Variants in SYDE2 observed in about 807,000 individuals in gnomAD.
SYDE2 encodes the protein synapse defective Rho GTPase homolog 2, also known as rho GTPase-activating protein SYDE2.
Under a neutral mutation model 91.5 loss-of-function variants are expected in SYDE2, and 76 were observed. The observed-to-expected ratio is 0.83, with a 90% CI of 0.69 to 1.01. The LOEUF (loss-of-function observed/expected upper bound fraction) is 1.01. SYDE2 is among the 50% of genes least tolerant of loss of function. The probability of loss-of-function intolerance (pLI) is 0.00; values close to 1 mark genes in which losing one functional copy is unlikely to be tolerated. For missense variants in SYDE2, 1,364 were observed against 1,367.7 expected (o/e 1.00, Z 0.04); for synonymous variants, 513 against 506.4 (o/e 1.01, Z -0.18).
At chr1:85,164,447 T>C in intron 6 of SYDE2, 79 bp downstream of exon 6, 1 of 1,047,984 alleles carries the variant, frequency 9.5e-7, no homozygotes, top group Non-Finnish European at 1.3e-6. Context: ...TCTTCAATCA[T>C]ATATGAGCAT....
In SYDE2 at chr1:85,164,611, G is replaced by A. The variant is rs77178722; in HGVS notation, c.3000C>T (p.Val1000=). 1,812 of 1,607,594 alleles carry A rather than the reference G, an allele frequency of 1.1e-3. 26 individuals carry two copies. In the East Asian group the frequency reaches 0.024, roughly 22 times the overall value. ...RQEPSTHNNR[V]FTDSEELASA... ...TTGCAAGTTCTTCTGAATCAGTAAAGACTCTGTTGTTATGGGTGGAAGGCT... is the reference window on the plus strand; with the variant it reads ...TTGCAAGTTCTTCTGAATCAGTAAAAACTCTGTTGTTATGGGTGGAAGGCT... The change falls in exon 6 of 7, where the codon GTC becomes GTT. Residue 1000 remains valine, a synonymous_variant. Transcript: ENST00000341460.
intron 2 of SYDE2, among the ~76,000 whole-genome samples, chr1:85,188,268 C>T (rs760377058): frequency 1.7e-4 from 26 of 152,142 alleles, no homozygotes; most frequent in Non-Finnish European, 3.4e-4. Flanking sequence ...AAGCAGCACA[C>T]ATTTGCTCTG....
chr1:85,196,145 T>C (rs913040682), intron 1 of SYDE2, among the ~76,000 whole-genome samples: 5 of 152,218 alleles, frequency 3.3e-5, no homozygotes, highest in Non-Finnish European at 5.9e-5. Context: ...TTAATTCATA[T>C]ACATAAAACT....
intron 1 of SYDE2, 108 bp downstream of exon 1, chr1:85,200,144 A>G: frequency 6.4e-7 from 1 of 1,565,576 alleles, no homozygotes; most frequent in South Asian, 1.2e-5. Context: ...TTCGCCCGGT[A>G]ACGTACCTGT....
rs1657947670 is a variant in SYDE2 at position 85,182,190 on chromosome 1, T to C, written c.2452A>G (p.Ile818Val). The change falls in exon 3 of 7, where the codon ATT becomes GTT. Residue 818 changes from isoleucine to valine, a missense_variant. Coordinates refer to ENST00000341460, the MANE Select transcript of SYDE2 (RefSeq NM_032184.2). The stretch of plus-strand genomic sequence containing the variant: ...TTTTCTTTCTCTACAACTTTTTGAA[T>C]ATCAACTCCAAATATTATTGGTTCT... ...NQEPIIFGVDIQKVVEKENIG... is the reference protein window; with the variant it reads ...NQEPIIFGVDVQKVVEKENIG... 1 of 1,607,784 alleles carries C rather than the reference T, an allele frequency of 6.2e-7. No individual in the cohort carries two copies. Among genetic ancestry groups the C allele is most frequent in the Non-Finnish European group, 8.5e-7 (1 of 1,176,650 alleles).
intron 3 of SYDE2, among the ~76,000 whole-genome samples, chr1:85,180,301 C>A (rs1490592944): frequency 1.3e-5 from 2 of 152,026 alleles, no homozygotes; most frequent in East Asian, 3.9e-4. Flanking sequence ...CTGTAAAATA[C>A]AAGCACAATA....
intron 6 of SYDE2, chr1:85,161,038 C>G: frequency 1.0e-6 from 1 of 982,834 alleles, no homozygotes; most frequent in Non-Finnish European, 1.2e-6. Context: ...GAGTGGTTTA[C>G]AACTAAATAT....
At chr1:85,181,812 T>C (rs911409279) in intron 3 of SYDE2, 3 of 257,546 alleles carry the variant, frequency 1.2e-5, no homozygotes, top group Non-Finnish European at 2.2e-5. Context: ...CAGCTCTGAC[T>C]TTTCCTTTTA....
rs962706152 is a variant in SYDE2, at chr1:85,200,970, G to C, written c.27C>G (p.Gly9=). The C allele has an allele frequency of 3.8e-6, 5 of 1,302,628 alleles. No individual in the cohort carries two copies. In the African/African-American group the frequency reaches 7.6e-5, roughly 20 times the overall value. 80.7% of individuals were successfully genotyped at this position (1,302,628 alleles called of 1,614,324 possible). A position where few individuals can be genotyped will look rare whatever the true frequency, so the allele number is the denominator to read the frequency against. The part of the protein sequence containing the change: MHDLPPDS[G]ARRGGRGLAD... ...CCAAGCCCCTGCCGCCCCGCCGCGCGCCCGAGTCAGGGGGCAGGTCGTGCA... is the reference window on the plus strand; with the variant it reads ...CCAAGCCCCTGCCGCCCCGCCGCGCCCCCGAGTCAGGGGGCAGGTCGTGCA... The change falls in exon 1 of 7, where the codon GGC becomes GGG. Residue 9 remains glycine, a synonymous_variant. Coordinates refer to ENST00000341460, the MANE Select transcript of SYDE2 (RefSeq NM_032184.2).
rs1271844026 is a variant in SYDE2, at chr1:85,159,085, G to A, written c.3250C>T (p.Leu1084Phe). The change falls in exon 7 of 7, where the codon CTT becomes TTT. Residue 1084 changes from leucine to phenylalanine, a missense_variant. Coordinates refer to ENST00000341460, the MANE Select transcript of SYDE2 (RefSeq NM_032184.2). ...RPRQNRLDSP[L>F]SNRYAGDWSS... ...CAGTCTCCTGCATAACGATTGCTAA[G>A]TGGACTGTCTAATCGGTTTTGCCTT... is the stretch of plus-strand genomic sequence containing the variant. 1.3e-6 allele frequency: 1 copy of A among 780,726 alleles called. No individual in the cohort carries two copies. Among genetic ancestry groups the A allele is most frequent in the Admixed American group, 1.7e-5 (1 of 59,024 alleles). The allele number at this position is 780,726 out of a possible 1,614,324, so 48.4% of individuals were successfully genotyped here. A position where few individuals can be genotyped will look rare whatever the true frequency, so the allele number is the denominator to read the frequency against.
rs1406771722 is a variant in SYDE2, at chr1:85,178,246, AC to A, written c.2570del (p.Gly857ValfsTer30). ...GCAGTTCTTTCTTGACTGCTGCCGA[AC>A]CACATAATCGATACAGGCCTACTAC... ...CQVVGLYRLC[G>X]SAAVKKELRE... On this transcript the variant is annotated frameshift_variant, in exon 4 of 7. Transcript: ENST00000341460. LOFTEE classifies it high-confidence loss of function. 1.9e-6 allele frequency: 3 copies of A among 1,579,770 alleles called. No homozygotes were observed. Among genetic ancestry groups the A allele is most frequent in the Admixed American group, 3.6e-5 (2 of 55,012 alleles).
intron 4 of SYDE2, among the ~76,000 whole-genome samples, chr1:85,173,550 AAAG>A (rs1321806073): frequency 1.3e-5 from 2 of 152,202 alleles, no homozygotes; most frequent in African/African-American, 4.8e-5. Context: ...AGAAATAGAC[AAAG>A]AAGAGCCTTA....
At chr1:85,199,917 G>A (rs1658745793) in intron 1 of SYDE2, among the ~76,000 whole-genome samples, 1 of 152,024 alleles carries the variant, frequency 6.6e-6, no homozygotes, top group East Asian at 1.9e-4. Context: ...AGACAGTGCC[G>A]CCCATCTGTA....
intron 2 of SYDE2, among the ~76,000 whole-genome samples, chr1:85,183,607 GT>G (rs1658018949): frequency 6.6e-6 from 1 of 152,006 alleles, no homozygotes; most frequent in South Asian, 2.1e-4. Flanking sequence ...CAAATAAGTA[GT>G]TTCTTTATAG....
intron 5 of SYDE2, among the ~76,000 whole-genome samples, chr1:85,168,674 CA>C (rs1274450986): frequency 1.3e-5 from 2 of 152,004 alleles, no homozygotes; most frequent in African/African-American, 4.8e-5. Context: ...GGAGACACAC[CA>C]AAATGTTAAT....
chr1:85,177,084 A>G (rs1657728547), intron 4 of SYDE2, among the ~76,000 whole-genome samples: 1 of 152,006 alleles, frequency 6.6e-6, no homozygotes, highest in Non-Finnish European at 1.5e-5. Context: ...TTATTTCCCA[A>G]ACATTCTGAC....
At position 85,190,388 on chromosome 1, in the gene SYDE2, T is replaced by C. The variant is rs376002257; in HGVS notation, c.1110A>G (p.Ile370Met). 14 of 1,613,822 alleles carry C rather than the reference T, an allele frequency of 8.7e-6. No individual in the cohort carries two copies. Among genetic ancestry groups the C allele is most frequent in the East Asian group, 2.2e-5 (1 of 44,902 alleles). ...EENDADDEGE[I>M]WYNPIPEDDD... ...CATCCTCAGGAATGGGATTGTACCA[T>C]ATTTCTCCTTCATCATCTGCATCAT... is the stretch of plus-strand genomic sequence containing the variant. Residue 370 changes from isoleucine (I) to methionine (M), a missense_variant, in exon 2 of 7, where the codon ATA (isoleucine) becomes ATG (methionine). Transcript: ENST00000341460.
At chr1:85,194,766 T>G in intron 1 of SYDE2, 13 of 934,900 alleles carry the variant, frequency 1.4e-5, no homozygotes, top group Non-Finnish European at 1.7e-5. Flanking sequence ...TATTATTTCA[T>G]AATAAATCTA....
intron 2 of SYDE2, among the ~76,000 whole-genome samples, chr1:85,184,813 G>A (rs1658065490): frequency 6.6e-6 from 1 of 151,548 alleles, no homozygotes; most frequent in Non-Finnish European, 1.5e-5. Context: ...CTCAGGCTGG[G>A]AGGCTACAGT....
Sources: gnomAD v4.1 joint callset for allele counts (sites outside exome capture counted in the v4.1 genomes callset) on GRCh38, gnomAD v4.1.1 for gene constraint, MANE v1.5 for transcripts, NCBI Gene and HGNC (gene_info 2026-07-23, HGNC 2026-07-21) for gene names.